The following VXN variants were observed in gnomAD, a reference collection of about 807,000 sequenced individuals.
The protein encoded by VXN is uncharacterized protein C8orf46.
VXN carries 7 observed loss-of-function variants against 23.1 expected under a neutral mutation model. The ratio of observed to expected loss-of-function variants is 0.30; its 90% confidence interval spans 0.17 to 0.57. The LOEUF (loss-of-function observed/expected upper bound fraction) is 0.57. VXN is among the 20% of genes least tolerant of loss of function. The pLI is 0.91. For missense variants in VXN, 238 were observed against 272.6 expected, an observed-to-expected ratio of 0.87 and a Z score of 0.89; for synonymous variants, 120 against 105.8, an observed-to-expected ratio of 1.13 and a Z score of -0.83.
At chr8:66,515,486 G>A (rs978899368) in intron 5 of VXN, among the ~76,000 whole-genome samples, 2 of 152,308 alleles carry the variant, frequency 1.3e-5, no homozygotes, top group Admixed American at 6.5e-5. Flanking sequence ...ACTTGCCTGA[G>A]GTCACACAGC....
chr8:66,509,576 T>A (rs1807798571), intron 3 of VXN, among the ~76,000 whole-genome samples: 1 of 152,220 alleles, frequency 6.6e-6, no homozygotes, highest in South Asian at 2.1e-4. Flanking sequence ...TGATCCCAGC[T>A]ATAAAGACTT....
chr8:66,510,191 T>C lies in VXN; in HGVS notation c.342+34T>C, dbSNP rs765749925. On this transcript the variant is annotated intron_variant, in intron 4 of 5. Coordinates refer to ENST00000305454, the MANE Select transcript of VXN (RefSeq NM_152765.4). ...AATAAGCCTGCTTAGTTGTATCTGT[T>C]GTGCATTAAACTTCTGGTCATGTCT... 4 of 1,552,496 alleles carry C rather than the reference T, an allele frequency of 2.6e-6. No individual in the cohort carries two copies. The African/African-American group carries it at 5.4e-5, about 21-fold the overall frequency.
At chr8:66,502,617 G>A (rs964883497) in intron 2 of VXN, among the ~76,000 whole-genome samples, 1 of 152,046 alleles carries the variant, frequency 6.6e-6, no homozygotes, top group Non-Finnish European at 1.5e-5. Context: ...CGTGGTGGCA[G>A]GCGCCTGTAG....
intron 2 of VXN, among the ~76,000 whole-genome samples, chr8:66,501,699 T>A (rs944117875): frequency 2.0e-5 from 3 of 152,182 alleles, no homozygotes; most frequent in Non-Finnish European, 4.4e-5. Flanking sequence ...GCCCAGCCTC[T>A]GCTTGTAAAA....
In VXN at chr8:66,517,014, A is replaced by T. The variant is rs966585043; in HGVS notation, c.*938A>T. 1.3e-5 allele frequency: 2 copies of T among 152,216 alleles called. No homozygotes were observed. The highest frequency in any genetic ancestry group is 4.8e-5 in the African/African-American group (2 of 41,454). The allele number at this position is 152,216 out of a possible 1,614,324, so 9.4% of individuals were successfully genotyped here. A position where few individuals can be genotyped will look rare whatever the true frequency, so the allele number is the denominator to read the frequency against. On this transcript the variant is annotated 3_prime_UTR_variant, in exon 6 of 6. Coordinates refer to ENST00000305454, the MANE Select transcript of VXN (RefSeq NM_152765.4). The stretch of plus-strand genomic sequence containing the variant: ...AGTGTGTCTCTGGGGGCAACCATTG[A>T]AAAGAAGACTCTGATATGTTGGAAC...
At chr8:66,503,371 C>T (rs143909376) in intron 2 of VXN, 6 of 152,230 alleles carry the variant, frequency 3.9e-5, no homozygotes, top group African/African-American at 1.2e-4. Context: ...CTATTATCTC[C>T]GTCTTCTTGA....
intron 2 of VXN, among the ~76,000 whole-genome samples, chr8:66,498,167 CAA>C (rs57990704): frequency 3.1e-4 from 38 of 121,012 alleles, no homozygotes; most frequent in Middle Eastern, 4.4e-3. Context: ...GACTCCGTCT[CAA>C]AAAAAAAAAA....
chr8:66,510,961 C>G (rs780306134), intron 4 of VXN, among the ~76,000 whole-genome samples: 12 of 152,166 alleles, frequency 7.9e-5, no homozygotes, highest in Non-Finnish European at 1.8e-4. Flanking sequence ...TCAGACTGGT[C>G]TGAGTCAGGC....
At chr8:66,506,581 G>T (rs758688120) in intron 3 of VXN, among the ~76,000 whole-genome samples, 124 of 151,996 alleles carry the variant, frequency 8.2e-4, no homozygotes, top group Middle Eastern at 3.2e-3. Flanking sequence ...ACAATAGAAA[G>T]TCCAGGGTGT....
rs1270688869 is a variant in VXN at position 66,506,228 on chromosome 8, A to T, written c.280+700A>T. Among the ~76,000 whole-genome samples, 205 of 123,164 alleles carry T rather than the reference A, an allele frequency of 1.7e-3. 1 individual carries two copies. The highest frequency in any genetic ancestry group is 4.9e-3 in the African/African-American group (146 of 29,664). The allele number at this position is 123,164 out of a possible 152,430, so 80.8% of individuals were successfully genotyped here. ...TTAACAGAGAGAGAGAGAGAGAGAG[A>T]GACAGTGTGTGTGTGTGTGTGTGTG... On this transcript the variant is annotated intron_variant, in intron 3 of 5. Transcript: ENST00000305454.
chr8:66,496,348 C>G, intron 1 of VXN, 89 bp from the exon 2 acceptor site: 3 of 1,273,350 alleles, frequency 2.4e-6, no homozygotes, highest in Non-Finnish European at 3.4e-6. Context: ...TGCCTCGCCA[C>G]AGATTCAAAC....
At chr8:66,510,422 A>G (rs1333056490) in intron 4 of VXN, 2 of 381,910 alleles carry the variant, frequency 5.2e-6, no homozygotes, top group East Asian at 5.3e-5. Flanking sequence ...TCCAATAGAC[A>G]TCTTATACAT....
At chr8:66,500,771 G>A (rs78892067) in intron 2 of VXN, among the ~76,000 whole-genome samples, 30,807 of 151,860 alleles carry the variant, frequency 0.2, 3,762 homozygotes, top group African/African-American at 0.33. Context: ...TATAAGTGAG[G>A]GCATGTAGTG....
intron 3 of VXN, 115 bp downstream of exon 3, chr8:66,505,643 C>A: frequency 7.8e-7 from 1 of 1,278,124 alleles, no homozygotes; most frequent in Non-Finnish European, 1.0e-6. Context: ...TCAGTCGCGC[C>A]AGGTGACCAA....
chr8:66,503,641 T>A (rs1445730938), intron 2 of VXN: 1 of 152,286 alleles, frequency 6.6e-6, no homozygotes, highest in African/African-American at 2.4e-5. Flanking sequence ...TCTCTCCTCC[T>A]CCCTGCTCAT....
intron 4 of VXN, among the ~76,000 whole-genome samples, chr8:66,512,210 G>A (rs1477090305): frequency 1.3e-5 from 2 of 152,160 alleles, no homozygotes; most frequent in African/African-American, 4.8e-5. Flanking sequence ...GGCCCACACA[G>A]CTAAATCCAA....
chr8:66,503,366 A>G (rs149893196), intron 2 of VXN: 130 of 152,280 alleles, frequency 8.5e-4, no homozygotes, highest in African/African-American at 2.9e-3. Flanking sequence ...ATTCTCTATT[A>G]TCTCCGTCTT....
At chr8:66,501,688 A>G (rs1175107867) in intron 2 of VXN, among the ~76,000 whole-genome samples, 4 of 152,148 alleles carry the variant, frequency 2.6e-5, no homozygotes, top group Non-Finnish European at 5.9e-5. Flanking sequence ...AGTTTAGCTT[A>G]GCCCAGCCTC....
chr8:66,508,324 A>T (rs924612275), intron 3 of VXN, among the ~76,000 whole-genome samples: 1 of 152,042 alleles, frequency 6.6e-6, no homozygotes, highest in African/African-American at 2.4e-5. Flanking sequence ...GAACATCGTC[A>T]GTGAAGGGCC....
Sources: allele counts gnomAD v4.1 joint callset (sites outside exome capture counted in the v4.1 genomes callset), GRCh38; gene constraint gnomAD v4.1.1; transcripts MANE v1.5; gene names NCBI Gene and HGNC (gene_info 2026-07-23, HGNC 2026-07-21).